Variants in GUCA1C observed in about 807,000 individuals in gnomAD.
The protein encoded by GUCA1C is guanylyl cyclase-activating protein 3.
In GUCA1C, 15 loss-of-function variants were observed where a neutral mutation model predicts 16.2. The observed-to-expected ratio is 0.93, with a 90% CI of 0.62 to 1.43. GUCA1C has a LOEUF of 1.43. GUCA1C is among the 40% of genes most tolerant of loss of function. GUCA1C has a pLI of 0.00. For missense variants in GUCA1C, 275 were observed against 244.8 expected (o/e 1.12, Z -0.82); for synonymous variants, 78 against 85.4 (o/e 0.91, Z 0.48).
chr3:108,927,432 C>A (rs988948005), intron 1 of GUCA1C, among the ~76,000 whole-genome samples: 1 of 128,274 alleles, frequency 7.8e-6, no homozygotes, highest in Non-Finnish European at 1.6e-5. Flanking sequence ...TTTTTTAATT[C>A]TTTTTTTTTT....
intron 1 of GUCA1C, among the ~76,000 whole-genome samples, chr3:108,929,029 G>T (rs1459861794): frequency 6.6e-6 from 1 of 152,176 alleles, no homozygotes; most frequent in East Asian, 1.9e-4. Flanking sequence ...AACTTGGGAA[G>T]AAGTGACACC....
In GUCA1C at chr3:108,953,612, G is replaced by A; in HGVS notation, c.151C>T (p.Gln51Ter). ...TGATCAATATGTTTATTGGCCTTCT[G>A]ATTCAGACCTTGCAGACCCAAAAGT... ...KTLLGLQGLN[Q>*]KANKHIDQVY... Residue 51 changes from glutamine to a stop codon, truncating the protein, a stop_gained, in exon 1 of 4, where the codon CAG (glutamine) becomes TAG (stop). Transcript: ENST00000261047. LOFTEE classifies it high-confidence loss of function. The A allele has an allele frequency of 1.2e-6, 2 of 1,612,942 alleles. No homozygotes were observed. Among genetic ancestry groups the A allele is most frequent in the Non-Finnish European group, 1.7e-6 (2 of 1,178,942 alleles).
chr3:108,910,450 A>T (rs1437817167), intron 3 of GUCA1C, among the ~76,000 whole-genome samples: 1 of 150,890 alleles, frequency 6.6e-6, no homozygotes, highest in Admixed American at 6.6e-5. Flanking sequence ...GTGAGCCGAG[A>T]TGGCGCCACT....
chr3:108,951,474 G>T (rs1238209041), intron 1 of GUCA1C, among the ~76,000 whole-genome samples: 2 of 151,910 alleles, frequency 1.3e-5, no homozygotes, highest in Admixed American at 1.3e-4. Context: ...AAAACACAAA[G>T]AAAAAAAGAA....
chr3:108,907,848 A>G lies in GUCA1C; in HGVS notation c.*174T>C, dbSNP rs780678199. The G allele has an allele frequency of 5.4e-6, 3 of 556,348 alleles. No homozygotes were observed. Among genetic ancestry groups the G allele is most frequent in the Non-Finnish European group, 9.5e-6 (3 of 315,626 alleles). The allele number at this position is 556,348 out of a possible 1,614,324, so 34.5% of individuals were successfully genotyped here. A position where few individuals can be genotyped will look rare whatever the true frequency, so the allele number is the denominator to read the frequency against. On this transcript the variant is annotated 3_prime_UTR_variant, in exon 4 of 4. Transcript: ENST00000261047. Reference sequence around the variant, plus strand: ...AGACAGCACAGAAAAGCAACAATGCATCTGTTTAGGATCTTTATGCAAGTC... The same window carrying G: ...AGACAGCACAGAAAAGCAACAATGCGTCTGTTTAGGATCTTTATGCAAGTC...
chr3:108,949,291 G>T (rs1006666791), intron 1 of GUCA1C, among the ~76,000 whole-genome samples: 1 of 152,192 alleles, frequency 6.6e-6, no homozygotes, highest in Non-Finnish European at 1.5e-5. Flanking sequence ...CAGGGAGGGA[G>T]TCTGTAACAG....
intron 1 of GUCA1C, among the ~76,000 whole-genome samples, chr3:108,934,364 A>G (rs1343521744): frequency 1.3e-5 from 2 of 152,194 alleles, no homozygotes; most frequent in Non-Finnish European, 2.9e-5. Flanking sequence ...GTCAAAAAAC[A>G]ATAGATCCCG....
intron 1 of GUCA1C, among the ~76,000 whole-genome samples, chr3:108,938,363 T>C (rs985389287): frequency 2.6e-5 from 4 of 152,186 alleles, no homozygotes; most frequent in African/African-American, 7.2e-5. Context: ...GGTGAGTTGG[T>C]AGCAACATAT....
At chr3:108,944,409 G>A (rs549660729) in intron 1 of GUCA1C, among the ~76,000 whole-genome samples, 34 of 152,284 alleles carry the variant, frequency 2.2e-4, no homozygotes, top group Non-Finnish European at 4.3e-4. Flanking sequence ...CCCCTGTCCC[G>A]TCCTGTGGAA....
intron 3 of GUCA1C, 183 bp downstream of exon 3, chr3:108,915,944 T>C (rs1946505650): frequency 4.7e-6 from 3 of 636,916 alleles, no homozygotes; most frequent in Admixed American, 3.4e-5. Flanking sequence ...TGGAAATGAA[T>C]ATGATCAATA....
At chr3:108,949,139 C>T (rs1352049032) in intron 1 of GUCA1C, among the ~76,000 whole-genome samples, 1 of 152,170 alleles carries the variant, frequency 6.6e-6, no homozygotes, top group East Asian at 1.9e-4. Flanking sequence ...TGAGCCACTG[C>T]AGTGGCCAAT....
chr3:108,945,600 T>C (rs1946836464), intron 1 of GUCA1C, among the ~76,000 whole-genome samples: 1 of 152,230 alleles, frequency 6.6e-6, no homozygotes, highest in South Asian at 2.1e-4. Context: ...AGGAGCAGTT[T>C]CCATCACTGA....
At chr3:108,923,303 CTTTGA>C (rs1251994280) in intron 1 of GUCA1C, among the ~76,000 whole-genome samples, 1 of 152,130 alleles carries the variant, frequency 6.6e-6, no homozygotes, top group Non-Finnish European at 1.5e-5. Flanking sequence ...GGTTTCGGAT[CTTTGA>C]TTTAAGTCTT....
In GUCA1C at chr3:108,908,119, A is replaced by G; in HGVS notation, c.533T>C (p.Val178Ala). The part of the protein sequence containing the change: ...IVYKSFDFSN[V>A]LRVICNGKQP... ...CTTCCCATTACAGATTACTCTCAGC[A>G]CATTGGAGAAGTCGAAGCTCTTGTA... The change falls in exon 4 of 4, where the codon GTG (valine) becomes GCG (alanine). Residue 178 changes from valine to alanine, a missense_variant. Coordinates refer to ENST00000261047, the MANE Select transcript of GUCA1C (RefSeq NM_005459.4). 1 of 1,613,534 alleles carries G rather than the reference A, an allele frequency of 6.2e-7. No homozygotes were observed. The highest frequency in any genetic ancestry group is 8.5e-7 in the Non-Finnish European group (1 of 1,179,460).
At chr3:108,942,142 T>G (rs375464703) in intron 1 of GUCA1C, among the ~76,000 whole-genome samples, 1 of 152,338 alleles carries the variant, frequency 6.6e-6, no homozygotes, top group East Asian at 1.9e-4. Flanking sequence ...AGGTTCCTCA[T>G]GTGTAAATGC....
At chr3:108,941,171 T>C (rs1030468725) in intron 1 of GUCA1C, among the ~76,000 whole-genome samples, 4 of 152,348 alleles carry the variant, frequency 2.6e-5, no homozygotes, top group East Asian at 1.9e-4. Context: ...ATAATCATTA[T>C]TCAAATCCCA....
intron 1 of GUCA1C, among the ~76,000 whole-genome samples, chr3:108,927,432 C>CTTTTTTTTTTTTTTT (rs55930777): frequency 1.6e-5 from 2 of 128,272 alleles, no homozygotes; most frequent in African/African-American, 3.0e-5. Context: ...TTTTTTAATT[C>CTTTTTTTTTTTTTTT]TTTTTTTTTT....
At position 108,948,370 on chromosome 3, in the gene GUCA1C, T is replaced by C. The variant is rs57221334; in HGVS notation, c.204+5189A>G. 4.7e-3 allele frequency among the ~76,000 whole-genome samples: 716 copies of C among 152,296 alleles called. 8 individuals carry two copies. Among genetic ancestry groups the C allele is most frequent in the African/African-American group, 0.016 (685 of 41,570 alleles). On this transcript the variant is annotated intron_variant, in intron 1 of 3. Transcript: ENST00000261047. ...GTGCTTCACCCTTCTATCATGATTG[T>C]AAGTTTCCTGAGGCCTCCCCAGCCA...
intron 2 of GUCA1C, 91 bp from the exon 3 acceptor site, chr3:108,916,305 A>G (rs1946511726): frequency 7.8e-7 from 1 of 1,283,728 alleles, no homozygotes; most frequent in Non-Finnish European, 1.1e-6. Context: ...GAATTTGGGG[A>G]TGTGTTGTCG....
Sources: allele counts gnomAD v4.1 joint callset (sites outside exome capture counted in the v4.1 genomes callset), GRCh38; gene constraint gnomAD v4.1.1; transcripts MANE v1.5; gene names NCBI Gene and HGNC (gene_info 2026-07-23, HGNC 2026-07-21).